Variants in LRRN4 observed in about 807,000 individuals in gnomAD.
LRRN4 encodes the protein leucine-rich repeat neuronal protein 4.
A neutral mutation model predicts 22.3 loss-of-function variants in LRRN4; 26 were observed. That is an observed-to-expected ratio of 1.16 (90% CI 0.85 to 1.62). The LOEUF is 1.62. Among genes scored for constraint, LRRN4 ranks in the 40% most tolerant of loss-of-function variants. LRRN4 has a pLI of 0.00. For missense variants in LRRN4, 1,070 were observed against 1,008.5 expected (o/e 1.06, Z -0.83); for synonymous variants, 496 against 486.2 (o/e 1.02, Z -0.26).
In LRRN4 at chr20:6,052,176, G is replaced by C. The variant is rs1981263712; in HGVS notation, c.624C>G (p.Val208=). The change falls in exon 2 of 5, where the codon GTC becomes GTG. Residue 208 remains valine, a synonymous_variant. Coordinates refer to ENST00000378858, the MANE Select transcript of LRRN4 (RefSeq NM_152611.5). ...CAAGGAACGTGCCGCTGAGATCCAG[G>C]ACTTCGAGCGTGACCAGGGGCGCGC... ...EDGAPLVTLE[V]LDLSGTFLER... 6.3e-7 allele frequency: 1 copy of C among 1,599,020 alleles called. No individual in the cohort carries two copies. Among genetic ancestry groups the C allele is most frequent in the Non-Finnish European group, 8.5e-7 (1 of 1,173,884 alleles).
intron 3 of LRRN4, among the ~76,000 whole-genome samples, chr20:6,045,936 C>T (rs2123054033): frequency 6.7e-6 from 1 of 149,168 alleles, no homozygotes; most frequent in South Asian, 2.1e-4. Flanking sequence ...TTTCTGCTTA[C>T]ATCACATTTG....
chr20:6,044,998 T>C (rs1981070137), intron 3 of LRRN4, among the ~76,000 whole-genome samples: 1 of 152,088 alleles, frequency 6.6e-6, no homozygotes, highest in African/African-American at 2.4e-5. Context: ...TGTGTGTGTG[T>C]GGAAAGGAAA....
At chr20:6,043,159 A>G (rs959644603) in intron 4 of LRRN4, among the ~76,000 whole-genome samples, 2 of 152,210 alleles carry the variant, frequency 1.3e-5, no homozygotes, top group African/African-American at 4.8e-5. Context: ...CTGGAGTCCC[A>G]GCACTTTGGG....
At chr20:6,051,490 CTT>C (rs1981245185) in intron 2 of LRRN4, among the ~76,000 whole-genome samples, 1 of 152,110 alleles carries the variant, frequency 6.6e-6, no homozygotes, top group Non-Finnish European at 1.5e-5. Context: ...TGTTTTTTCT[CTT>C]TGTCTTTGAT....
intron 1 of LRRN4, 68 bp downstream of exon 1, chr20:6,053,762 A>T (rs909338563): frequency 2.6e-5 from 4 of 152,336 alleles, no homozygotes; most frequent in African/African-American, 7.2e-5. Context: ...GCTGGGGATG[A>T]AGGCAGTGAG....
intron 3 of LRRN4, among the ~76,000 whole-genome samples, chr20:6,047,425 TACACACACACACACACACACACAC>T (rs57188958): frequency 7.8e-6 from 1 of 128,376 alleles, no homozygotes; most frequent in Non-Finnish European, 1.8e-5. Flanking sequence ...CAGACACACA[TACACACACACACACACACACACAC>T]ACACACACAC....
chr20:6,041,873 G>T lies in LRRN4; in HGVS notation c.1372C>A (p.Arg458=). The T allele has an allele frequency of 6.2e-7, 1 of 1,614,208 alleles. No homozygotes were observed. Among genetic ancestry groups the T allele is most frequent in the Non-Finnish European group, 8.5e-7 (1 of 1,180,026 alleles). The change falls in exon 5 of 5, where the codon CGA becomes AGA. Residue 458 remains arginine, a synonymous_variant. Transcript: ENST00000378858. This position sits in a 1 kb window ranked among gnomAD's most constrained non-coding sequence, Gnocchi z 9.4. The part of the protein sequence containing the change: ...RAASTTRTQH[R]GEHAPELVLE... ...ACAAGCTCGGGGGCATGTTCTCCTC[G>T]GTGCTGGGTCCTGGTGGTGCTGGCA...
intron 4 of LRRN4, among the ~76,000 whole-genome samples, chr20:6,042,983 G>A (rs970252315): frequency 2.0e-5 from 3 of 151,620 alleles, no homozygotes; most frequent in East Asian, 1.9e-4. Flanking sequence ...CGTGCTAGGC[G>A]CTATTCTTCA....
rs1259416657 is a variant in LRRN4 at position 6,050,728 on chromosome 20, T to C, written c.860+51A>G. The C allele has an allele frequency of 1.9e-6, 3 of 1,551,936 alleles. No individual in the cohort carries two copies. In the South Asian group the frequency reaches 3.4e-5, roughly 17 times the overall value. ...TTGTTCTATAAAATTCAACATAGCG[T>C]AATGGGCAAAAATCAGTCATGTGAT... On this transcript the variant is annotated intron_variant, in intron 3 of 4. Transcript: ENST00000378858.
At chr20:6,049,180 G>A (rs1301268402) in intron 3 of LRRN4, among the ~76,000 whole-genome samples, 1 of 152,162 alleles carries the variant, frequency 6.6e-6, no homozygotes, top group Non-Finnish European at 1.5e-5. Context: ...CACCCGGTGA[G>A]CTTGGACTTG....
In LRRN4 at chr20:6,041,429, C is replaced by T. The variant is rs766286277; in HGVS notation, c.1816G>A (p.Val606Ile). 1.9e-6 allele frequency: 3 copies of T among 1,555,698 alleles called. No homozygotes were observed. Among genetic ancestry groups the T allele is most frequent in the Non-Finnish European group, 2.6e-6 (3 of 1,149,558 alleles). The part of the protein sequence containing the change: ...ALVHWCAPNS[V>I]VHGYQIRYSA... ...TAGCGGATCTGGTACCCATGCACTA[C>T]CGAGTTGGGGGCACACCAGTGGACC... is the stretch of plus-strand genomic sequence containing the variant. Residue 606 changes from valine (V) to isoleucine (I), a missense_variant, in exon 5 of 5, where the codon GTA becomes ATA. By Grantham distance (29) the Val-to-Ile change is conservative. Transcript: ENST00000378858. This position sits in a 1 kb window ranked among gnomAD's most constrained non-coding sequence, Gnocchi z 9.4.
At chr20:6,051,025 C>T (rs189191034) in intron 2 of LRRN4, 42 bp from the exon 3 acceptor site, 1 of 1,582,834 alleles carries the variant, frequency 6.3e-7, no homozygotes, top group East Asian at 2.2e-5. Flanking sequence ...CCAGAACGCA[C>T]AAACCCAGGA....
At position 6,052,594 on chromosome 20, in the gene LRRN4, A is replaced by G; in HGVS notation, c.206T>C (p.Leu69Pro). 1 of 1,585,370 alleles carries G rather than the reference A, an allele frequency of 6.3e-7. No homozygotes were observed. The highest frequency in any genetic ancestry group is 1.7e-4 in the Middle Eastern group (1 of 5,816). The change falls in exon 2 of 5, where the codon CTG becomes CCG. Residue 69 changes from leucine to proline, a missense_variant. Leu to Pro is a moderately conservative substitution (Grantham distance 98, BLOSUM62 -3). Coordinates refer to ENST00000378858, the MANE Select transcript of LRRN4 (RefSeq NM_152611.5). ...CAGTGTGCGCGGTAGGCAGCCGGGC[A>G]GGCGCTCCAGGTTGCGGTTCGCCAG... is the stretch of plus-strand genomic sequence containing the variant. ...LTLANRNLER[L>P]PGCLPRTLRS... is the part of the protein sequence containing the mutation.
chr20:6,044,584 C>G lies in LRRN4; in HGVS notation c.957G>C (p.Leu319Phe), dbSNP rs139516032. The G allele has an allele frequency of 4.4e-6, 7 of 1,592,230 alleles. No individual in the cohort carries two copies. The highest frequency in any genetic ancestry group is 6.0e-6 in the Non-Finnish European group (7 of 1,169,422). ...TCTTTGCATCCGTGAGGAGCCAAGA[C>G]AAGTCACAACTGCAAGTGAGGGGGT... is the stretch of plus-strand genomic sequence containing the variant. ...FGNPLTCSCD[L>F]SWLLTDAKRT... is the part of the protein sequence containing the mutation. Residue 319 changes from leucine to phenylalanine, a missense_variant, in exon 4 of 5, where the codon TTG (leucine) becomes TTC (phenylalanine). Physicochemically the swap from Leu to Phe is conservative, Grantham distance 22. Coordinates refer to ENST00000378858, the MANE Select transcript of LRRN4 (RefSeq NM_152611.5).
chr20:6,048,307 T>C (rs887620301), intron 3 of LRRN4, among the ~76,000 whole-genome samples: 1 of 152,166 alleles, frequency 6.6e-6, no homozygotes. Flanking sequence ...TTGGGGTTCT[T>C]CAAGGCTCAG....
At position 6,052,615 on chromosome 20, in the gene LRRN4, G is replaced by A. The variant is rs1159717618; in HGVS notation, c.185C>T (p.Ala62Val). The change falls in exon 2 of 5, where the codon GCG becomes GTG. Residue 62 changes from alanine to valine, a missense_variant. Ala to Val is a moderately conservative substitution (Grantham distance 64). Coordinates refer to ENST00000378858, the MANE Select transcript of LRRN4 (RefSeq NM_152611.5). The part of the protein sequence containing the change: ...PAADATALTL[A>V]NRNLERLPGC... Reference sequence around the variant, plus strand: ...GGGCAGGCGCTCCAGGTTGCGGTTCGCCAGGGTCAAGGCCGTCGCATCCGC... The same window carrying A: ...GGGCAGGCGCTCCAGGTTGCGGTTCACCAGGGTCAAGGCCGTCGCATCCGC... 1 of 1,588,320 alleles carries A rather than the reference G, an allele frequency of 6.3e-7. No individual in the cohort carries two copies. The highest frequency in any genetic ancestry group is 1.7e-5 in the Admixed American group (1 of 58,380).
Position 6,052,205 on chromosome 20 carries a change from C to G in LRRN4, c.595G>C (p.Asp199His), listed in dbSNP as rs755712028. 1 of 1,594,728 alleles carries G rather than the reference C, an allele frequency of 6.3e-7. No homozygotes were observed. Among genetic ancestry groups the G allele is most frequent in the Admixed American group, 1.7e-5 (1 of 58,182 alleles). The change falls in exon 2 of 5, where the codon GAT becomes CAT. Residue 199 changes from aspartate (D) to histidine (H), a missense_variant. Physicochemically the swap from Asp to His is moderately conservative, Grantham distance 81. Transcript: ENST00000378858. ...TCGAGCGTGACCAGGGGCGCGCCATCCTCTCCAGCGAACGCCGCCTCGGCG... is the reference window on the plus strand; with the variant it reads ...TCGAGCGTGACCAGGGGCGCGCCATGCTCTCCAGCGAACGCCGCCTCGGCG... ...GIAEAAFAGE[D>H]GAPLVTLEVL...
chr20:6,041,603 C>G lies in LRRN4; in HGVS notation c.1642G>C (p.Asp548His). 1 of 1,574,334 alleles carries G rather than the reference C, an allele frequency of 6.4e-7. No homozygotes were observed. The highest frequency in any genetic ancestry group is 1.2e-5 in the South Asian group (1 of 83,898). Residue 548 changes from aspartate to histidine, a missense_variant, in exon 5 of 5, where the codon GAT becomes CAT. Physicochemically the swap from Asp to His is moderately conservative, Grantham distance 81. Transcript: ENST00000378858. The surrounding 1 kb of genome is among the most constrained non-coding windows in gnomAD (Gnocchi z 9.4). ...TGCAGGTGCTTGCAGGGATGGTAATCACAGGGGACGTCCTGGTGAGGCGTT... is the reference window on the plus strand; with the variant it reads ...TGCAGGTGCTTGCAGGGATGGTAATGACAGGGGACGTCCTGGTGAGGCGTT... The part of the protein sequence containing the change: ...VGTPHQDVPC[D>H]YHPCKHLQTP...
rs752719693 is a variant in LRRN4, at chr20:6,052,377, G to A, written c.423C>T (p.Thr141=). Residue 141 remains threonine (T), a synonymous_variant, in exon 2 of 5, where the codon ACC becomes ACT. Transcript: ENST00000378858. ...CGCGGAGGCTGCTCAGCGCGGGCCC[G>A]GTGCACGGCGGCAGAGCGGCCAGCT... The part of the protein sequence containing the change: ...YNQLAALPPC[T]GPALSSLRAL... 1.3e-6 allele frequency: 2 copies of A among 1,521,120 alleles called. No individual in the cohort carries two copies. The highest frequency in any genetic ancestry group is 1.2e-5 in the South Asian group (1 of 82,040). The allele number at this position is 1,521,120 out of a possible 1,614,324, so 94.2% of individuals were successfully genotyped here. A position where few individuals can be genotyped will look rare whatever the true frequency, so the allele number is the denominator to read the frequency against.
Sources: allele counts gnomAD v4.1 joint callset (sites outside exome capture counted in the v4.1 genomes callset), GRCh38; gene constraint gnomAD v4.1.1; non-coding constraint Gnocchi (gnomAD v3.1); transcripts MANE v1.5; gene names NCBI Gene and HGNC (gene_info 2026-07-23, HGNC 2026-07-21).